The following ADAMTSL1 variants were observed in gnomAD, a reference collection of about 807,000 sequenced individuals.
ADAMTSL1 encodes ADAMTS like 1.
Under a neutral mutation model 201.8 loss-of-function variants are expected in ADAMTSL1, and 126 were observed. The ratio of observed to expected loss-of-function variants is 0.62; its 90% CI spans 0.54 to 0.72. ADAMTSL1 has a LOEUF of 0.72. Among genes scored for constraint, ADAMTSL1 ranks in the 30% least tolerant of loss-of-function variants. The probability of loss-of-function intolerance (pLI) is 0.00; values close to 1 mark genes in which losing one functional copy is unlikely to be tolerated. For missense variants in ADAMTSL1, 2,679 were observed against 2,277.8 expected, an observed-to-expected ratio of 1.18 and a Z score of -3.59; for synonymous variants, 1,121 against 903.4, an observed-to-expected ratio of 1.24 and a Z score of -4.32.
At chr9:18,579,643 C>T (rs1454958092) in intron 4 of ADAMTSL1, among the ~76,000 whole-genome samples, 1 of 152,046 alleles carries the variant, frequency 6.6e-6, no homozygotes, top group South Asian at 2.1e-4. Flanking sequence ...GGTACACATA[C>T]GAAAGGGGCA....
chr9:18,869,833 C>T (rs974384279), intron 23 of ADAMTSL1, among the ~76,000 whole-genome samples: 1 of 152,128 alleles, frequency 6.6e-6, no homozygotes, highest in African/African-American at 2.4e-5. Context: ...TTTCAGATTT[C>T]CCAAAATTTG....
intron 23 of ADAMTSL1, among the ~76,000 whole-genome samples, chr9:18,865,181 C>A (rs906540308): frequency 6.6e-6 from 1 of 151,932 alleles, no homozygotes. Context: ...CTAATGCTAT[C>A]CCTCCCCGCT....
chr9:18,707,029 C>T lies in ADAMTSL1; in HGVS notation c.1857C>T (p.Cys619=). 6.2e-7 allele frequency: 1 copy of T among 1,613,506 alleles called. No individual in the cohort carries two copies. The highest frequency in any genetic ancestry group is 8.5e-7 in the Non-Finnish European group (1 of 1,179,600). ...YDWEYEGFTK[C]SESCGGGVQE... is the part of the protein sequence containing the mutation. ...GGGAGTATGAGGGGTTCACCAAGTG[C>T]TCCGAGTCCTGTGGAGGAGGTAAGA... Residue 619 remains cysteine, a synonymous_variant, in exon 14 of 29, where the codon TGC becomes TGT. Coordinates refer to ENST00000380548, the MANE Select transcript of ADAMTSL1 (RefSeq NM_001040272.6).
At chr9:18,064,160 G>A (rs1822588895) in intron 1 of ADAMTSL1, among the ~76,000 whole-genome samples, 1 of 152,040 alleles carries the variant, frequency 6.6e-6, no homozygotes, top group African/African-American at 2.4e-5. Context: ...GCTGTCCCAA[G>A]CTTCCCCCTG....
chr9:18,754,263 A>G (rs749276366), intron 16 of ADAMTSL1, among the ~76,000 whole-genome samples: 2 of 152,180 alleles, frequency 1.3e-5, no homozygotes, highest in Non-Finnish European at 2.9e-5. Flanking sequence ...AGGCATATAT[A>G]ATAATAACAC....
At chr9:17,989,184 C>T (rs1376764323) in intron 1 of ADAMTSL1, among the ~76,000 whole-genome samples, 2 of 151,732 alleles carry the variant, frequency 1.3e-5, no homozygotes, top group African/African-American at 2.4e-5. Flanking sequence ...TGAAACCCAC[C>T]TCTAAGCTCA....
At chr9:18,480,545 C>T (rs867907017) in intron 1 of ADAMTSL1, among the ~76,000 whole-genome samples, 7 of 152,298 alleles carry the variant, frequency 4.6e-5, no homozygotes, top group African/African-American at 1.7e-4. Flanking sequence ...TAACCATGAG[C>T]AAGAAACAAA....
chr9:18,237,372 T>C (rs542106515), intron 2 of ADAMTSL1, among the ~76,000 whole-genome samples: 2 of 152,256 alleles, frequency 1.3e-5, no homozygotes, highest in Non-Finnish European at 2.9e-5. Flanking sequence ...CACTCTGTGT[T>C]GGCCCTTATA....
At position 18,751,963 on chromosome 9, in the gene ADAMTSL1, C is replaced by T. The variant is rs1172868315; in HGVS notation, c.2007-1335C>T. ...AAAATTAGCCGGGCGTAGTGGCGGGCGCCTGTAGTCCCAGCTACTTGGGAG... is the reference window on the plus strand; with the variant it reads ...AAAATTAGCCGGGCGTAGTGGCGGGTGCCTGTAGTCCCAGCTACTTGGGAG... On this transcript the variant is annotated intron_variant, in intron 15 of 28. Transcript: ENST00000380548. 1.1e-3 allele frequency among the ~76,000 whole-genome samples: 27 copies of T among 23,898 alleles called. 11 individuals are homozygous for T. Among genetic ancestry groups the T allele is most frequent in the Non-Finnish European group, 2.2e-3 (24 of 10,962 alleles). The allele number at this position is 23,898 out of a possible 152,430, so 15.7% of individuals were successfully genotyped here.
chr9:17,980,562 C>T (rs1298180113), intron 1 of ADAMTSL1, among the ~76,000 whole-genome samples: 3 of 151,990 alleles, frequency 2.0e-5, no homozygotes, highest in Non-Finnish European at 2.9e-5. Flanking sequence ...CCCTCAAGTT[C>T]ATTTCTTGAA....
chr9:18,190,506 T>C lies in ADAMTSL1; in HGVS notation c.207+26525T>C, dbSNP rs184338128. ...TTTATTTTGTTAATCAGAGTGCCTA[T>C]TTCAACCCGATTTCAAGCCAGGCTT... On this transcript the variant is annotated intron_variant, in intron 2 of 29. Coordinates refer to the ADAMTSL1 transcript ENST00000680146. Among the ~76,000 whole-genome samples, 3 of 152,266 alleles carry C rather than the reference T, an allele frequency of 2.0e-5. No individual in the cohort carries two copies. The East Asian group carries it at 5.8e-4, about 29-fold the overall frequency.
intron 23 of ADAMTSL1, among the ~76,000 whole-genome samples, chr9:18,876,633 G>C (rs979294740): frequency 6.6e-6 from 1 of 152,114 alleles, no homozygotes; most frequent in African/African-American, 2.4e-5. Flanking sequence ...TGTTAATCAG[G>C]TAGGTTTTCC....
chr9:17,978,102 A>G (rs915844973), intron 1 of ADAMTSL1, among the ~76,000 whole-genome samples: 25 of 152,106 alleles, frequency 1.6e-4, no homozygotes, highest in African/African-American at 6.0e-4. Flanking sequence ...TTTGTCTGAT[A>G]TAAGTATAAC....
At chr9:18,657,516 G>T in intron 7 of ADAMTSL1, 123 bp from the exon 8 acceptor site, 1 of 655,280 alleles carries the variant, frequency 1.5e-6, no homozygotes, top group East Asian at 2.7e-5. Flanking sequence ...CACTTCTCCC[G>T]CAGTGCAGTC....
intron 1 of ADAMTSL1, among the ~76,000 whole-genome samples, chr9:18,052,662 C>T (rs1022519760): frequency 6.6e-6 from 1 of 152,150 alleles, no homozygotes; most frequent in African/African-American, 2.4e-5. Context: ...AAGATGATTT[C>T]ATAAAGCAAT....
intron 2 of ADAMTSL1, among the ~76,000 whole-genome samples, chr9:18,206,796 C>T (rs993556122): frequency 6.6e-6 from 1 of 152,032 alleles, no homozygotes; most frequent in Non-Finnish European, 1.5e-5. Context: ...GGAGTTGATC[C>T]CTAAATTATC....
At chr9:17,964,225 C>T (rs763803602) in intron 1 of ADAMTSL1, among the ~76,000 whole-genome samples, 6 of 152,088 alleles carry the variant, frequency 3.9e-5, no homozygotes, top group African/African-American at 1.4e-4. Context: ...CTCTGTGTGG[C>T]GTTAGTAAAA....
chr9:18,440,974 A>G (rs1819970408), intron 2 of ADAMTSL1, among the ~76,000 whole-genome samples: 1 of 152,200 alleles, frequency 6.6e-6, no homozygotes, highest in South Asian at 2.1e-4. Flanking sequence ...ATGTTGGAAT[A>G]TTATTTAGCC....
intron 1 of ADAMTSL1, among the ~76,000 whole-genome samples, chr9:18,043,598 A>T (rs185624101): frequency 6.6e-6 from 1 of 152,012 alleles, no homozygotes; most frequent in African/African-American, 2.4e-5. Flanking sequence ...GCTTATGGAG[A>T]CGGGTGTTCC....
Sources: gnomAD v4.1 joint callset for allele counts (sites outside exome capture counted in the v4.1 genomes callset) on GRCh38, gnomAD v4.1.1 for gene constraint, MANE v1.5 for transcripts, NCBI Gene and HGNC (gene_info 2026-07-23, HGNC 2026-07-21) for gene names.